GALNT17: variants seen among roughly 807,000 people sequenced by gnomAD.
The protein encoded by GALNT17 is UDP-GalNAc:polypeptide N-acetylgalactosaminyltransferase-like 3.
GALNT17 carries 29 observed loss-of-function variants against 63.7 expected under a neutral mutation model. That is an observed-to-expected ratio of 0.46 (90% confidence interval 0.34 to 0.62). The LOEUF is 0.62. Ranked by LOEUF, GALNT17 falls within the 20% of genes least tolerant of loss-of-function variation. The pLI is 0.01. For synonymous variants in GALNT17, 305 were observed against 318.3 expected (o/e 0.96, Z 0.45); for missense variants, 603 against 799.6 (o/e 0.75, Z 2.97).
intron 6 of GALNT17, among the ~76,000 whole-genome samples, chr7:71,647,229 A>ATTTTTTTTTTTTTTTTTTTTTTTT (rs5884850): frequency 2.9e-4 from 40 of 137,492 alleles, no homozygotes; most frequent in African/African-American, 1.1e-3. Flanking sequence ...GTGCCCAGCT[A>ATTTTTTTTTTTTTTTTTTTTTTTT]TTTTTTTTTT....
At chr7:71,294,955 T>G (rs1791051614) in intron 1 of GALNT17, among the ~76,000 whole-genome samples, 1 of 152,198 alleles carries the variant, frequency 6.6e-6, no homozygotes, top group African/African-American at 2.4e-5. Flanking sequence ...ATGTTGAAGC[T>G]TATCTTTTAT....
intron 5 of GALNT17, among the ~76,000 whole-genome samples, chr7:71,521,659 G>A (rs768757285): frequency 3.0e-4 from 46 of 152,202 alleles, no homozygotes; most frequent in Middle Eastern, 3.4e-3. Context: ...GCCTTCTCAC[G>A]CCCAGGCCCT....
chr7:71,463,365 C>T (rs1213455791), intron 5 of GALNT17, among the ~76,000 whole-genome samples: 2 of 152,278 alleles, frequency 1.3e-5, no homozygotes, highest in East Asian at 3.9e-4. Flanking sequence ...TGGGCAGTGT[C>T]TAGTGCTACA....
intron 5 of GALNT17, among the ~76,000 whole-genome samples, chr7:71,537,026 C>T (rs1788813369): frequency 6.6e-6 from 1 of 152,140 alleles, no homozygotes; most frequent in Non-Finnish European, 1.5e-5. Context: ...CATCATCCTT[C>T]TACTGCCTGA....
At chr7:71,155,423 A>G (rs1233536030) in intron 1 of GALNT17, among the ~76,000 whole-genome samples, 5 of 151,418 alleles carry the variant, frequency 3.3e-5, no homozygotes, top group Non-Finnish European at 7.4e-5. Context: ...ACGGATGTGC[A>G]CCACCATGCC....
At chr7:71,405,815 T>C (rs1793318256) in intron 3 of GALNT17, among the ~76,000 whole-genome samples, 1 of 152,178 alleles carries the variant, frequency 6.6e-6, no homozygotes, top group Admixed American at 6.5e-5. Flanking sequence ...ACTTGCCCTC[T>C]TAATACCACC....
At chr7:71,414,812 G>A (rs776302090) in intron 3 of GALNT17, among the ~76,000 whole-genome samples, 6 of 152,094 alleles carry the variant, frequency 3.9e-5, no homozygotes, top group Admixed American at 1.3e-4. Context: ...GTCAGCAGGC[G>A]GGATTCCCCT....
intron 5 of GALNT17, among the ~76,000 whole-genome samples, chr7:71,423,971 G>C (rs1358200779): frequency 6.6e-6 from 1 of 152,110 alleles, no homozygotes. Flanking sequence ...TTATTTTTCT[G>C]CTGACACCAA....
chr7:71,569,728 A>G (rs1402238351), intron 5 of GALNT17, among the ~76,000 whole-genome samples: 3 of 151,986 alleles, frequency 2.0e-5, no homozygotes, highest in Middle Eastern at 6.8e-3. Context: ...TTATGGCTGC[A>G]TAGTATTCCA....
Position 71,201,951 on chromosome 7 carries a change from C to G in GALNT17, c.238+68911C>G, listed in dbSNP as rs142753018. On this transcript the variant is annotated intron_variant, in intron 1 of 10. Transcript: ENST00000333538. ...CCTGGCCTACTTTGGCAGTTAAATT[C>G]TTTAAACATTTGGGATCTATGTCTG... 6.6e-3 allele frequency among the ~76,000 whole-genome samples: 1,001 copies of G among 152,250 alleles called. 14 individuals carry two copies. Among genetic ancestry groups the G allele is most frequent in the African/African-American group, 0.022 (918 of 41,550 alleles).
chr7:71,251,460 A>C (rs1185299058), intron 1 of GALNT17, among the ~76,000 whole-genome samples: 1 of 151,900 alleles, frequency 6.6e-6, no homozygotes, highest in Non-Finnish European at 1.5e-5. Context: ...CCCAGGCTGG[A>C]GTGCAGTGGC....
chr7:71,502,839 G>GTGTAACTGT (rs1191090078), intron 5 of GALNT17, among the ~76,000 whole-genome samples: 1 of 152,168 alleles, frequency 6.6e-6, no homozygotes, highest in Non-Finnish European at 1.5e-5. Context: ...TTACAATAAT[G>GTGTAACTGT]TGTTCCACAG....
intron 2 of GALNT17, among the ~76,000 whole-genome samples, chr7:71,345,740 C>A (rs1792079132): frequency 6.6e-6 from 1 of 152,096 alleles, no homozygotes; most frequent in African/African-American, 2.4e-5. Flanking sequence ...TGGCTCAATA[C>A]CCAACTCAAG....
chr7:71,152,698 T>A (rs1289969707), intron 1 of GALNT17, among the ~76,000 whole-genome samples: 1 of 152,080 alleles, frequency 6.6e-6, no homozygotes, highest in African/African-American at 2.4e-5. Flanking sequence ...AGTGGTGCAA[T>A]CTCTGCTCAG....
chr7:71,179,503 C>T (rs1008195849), intron 1 of GALNT17, among the ~76,000 whole-genome samples: 6 of 152,198 alleles, frequency 3.9e-5, no homozygotes, highest in Non-Finnish European at 5.9e-5. Context: ...AGACCTGTCT[C>T]AAATTTTTGA....
intron 1 of GALNT17, among the ~76,000 whole-genome samples, chr7:71,213,473 T>C (rs1244746577): frequency 2.0e-5 from 3 of 152,246 alleles, no homozygotes; most frequent in Admixed American, 6.5e-5. Context: ...TACATAGTGT[T>C]CTCTGGTTTG....
At chr7:71,452,037 C>T (rs1289991419) in intron 5 of GALNT17, among the ~76,000 whole-genome samples, 2 of 151,608 alleles carry the variant, frequency 1.3e-5, no homozygotes, top group Admixed American at 1.3e-4. Flanking sequence ...TAGCAAGACC[C>T]CAACTCTACA....
At chr7:71,673,497 T>C (rs1470919067) in intron 8 of GALNT17, among the ~76,000 whole-genome samples, 1 of 152,234 alleles carries the variant, frequency 6.6e-6, no homozygotes, top group East Asian at 1.9e-4. Flanking sequence ...AAGATACTTA[T>C]AATTACCTTG....
At chr7:71,260,656 G>A (rs374911082) in intron 1 of GALNT17, among the ~76,000 whole-genome samples, 32 of 150,648 alleles carry the variant, frequency 2.1e-4, no homozygotes, top group African/African-American at 7.6e-4. Context: ...AGCCTGGAGT[G>A]CAGTGGTATG....
Sources: allele counts gnomAD v4.1 joint callset (sites outside exome capture counted in the v4.1 genomes callset), GRCh38; gene constraint gnomAD v4.1.1; transcripts MANE v1.5; gene names NCBI Gene and HGNC (gene_info 2026-07-23, HGNC 2026-07-21).